Variants in MAMDC2 observed in about 807,000 individuals in gnomAD.
MAMDC2 encodes the protein MAM domain containing 2, also known as MAM domain-containing protein 2.
Under a neutral mutation model 89.8 loss-of-function variants are expected in MAMDC2, and 57 were observed. The observed-to-expected ratio is 0.63, with a 90% confidence interval of 0.51 to 0.79. The LOEUF (loss-of-function observed/expected upper bound fraction) is 0.79. Among genes scored for constraint, MAMDC2 ranks in the 30% least tolerant of loss-of-function variants. The pLI is 0.00. For missense variants in MAMDC2, 800 were observed against 820.6 expected (o/e 0.97, Z 0.31); for synonymous variants, 313 against 293.4 (o/e 1.07, Z -0.68).
At chr9:70,225,008 A>C (rs1284717655) in intron 12 of MAMDC2, among the ~76,000 whole-genome samples, 3 of 152,210 alleles carry the variant, frequency 2.0e-5, no homozygotes, top group African/African-American at 7.2e-5. Context: ...CTTGCTTATA[A>C]AATGAATAGA....
At chr9:70,088,100 G>A (rs2975866) in intron 2 of MAMDC2, among the ~76,000 whole-genome samples, 28,070 of 151,962 alleles carry the variant, frequency 0.18, 3,648 homozygotes, top group African/African-American at 0.37. Context: ...AAGTCTCTAA[G>A]CAGGATATGA....
intron 11 of MAMDC2, among the ~76,000 whole-genome samples, chr9:70,177,479 C>T (rs967341940): frequency 1.3e-5 from 2 of 152,040 alleles, no homozygotes; most frequent in African/African-American, 4.8e-5. Flanking sequence ...ATTTTTGGGC[C>T]ACAGCTGACT....
chr9:70,190,793 T>C (rs541911976), intron 11 of MAMDC2, among the ~76,000 whole-genome samples: 1 of 152,248 alleles, frequency 6.6e-6, no homozygotes, highest in South Asian at 2.1e-4. Flanking sequence ...GCCATGTGGA[T>C]ACAGTTGTTC....
intron 2 of MAMDC2, among the ~76,000 whole-genome samples, chr9:70,095,418 A>G (rs1007417684): frequency 6.6e-6 from 1 of 152,218 alleles, no homozygotes; most frequent in Non-Finnish European, 1.5e-5. Context: ...CAGTGGAAGG[A>G]ACTTGAAGGA....
intron 7 of MAMDC2, among the ~76,000 whole-genome samples, chr9:70,136,972 T>C (rs1345218218): frequency 1.7e-4 from 26 of 152,174 alleles, no homozygotes; most frequent in Admixed American, 1.7e-3. Context: ...TGTGGGCTAA[T>C]CTACCCATCT....
chr9:70,222,249 C>G (rs1187491114), intron 12 of MAMDC2, among the ~76,000 whole-genome samples: 4 of 152,082 alleles, frequency 2.6e-5, no homozygotes, highest in Admixed American at 6.5e-5. Context: ...CAGAGCAGAC[C>G]TGGAGTGAGG....
intron 9 of MAMDC2, chr9:70,148,077 T>G (rs188918057): frequency 2.7e-5 from 4 of 150,542 alleles, no homozygotes; most frequent in Admixed American, 2.7e-4. Context: ...GGCTTCCTAT[T>G]GCTTTTAGAG....
At chr9:70,140,436 AT>A in intron 8 of MAMDC2, 148 bp downstream of exon 8, 2 of 810,592 alleles carry the variant, frequency 2.5e-6, no homozygotes, top group Non-Finnish European at 3.7e-6. Context: ...GTGTTTGACC[AT>A]TTTTAAAAAT....
chr9:70,212,238 G>A (rs1381135211), intron 11 of MAMDC2, among the ~76,000 whole-genome samples: 2 of 152,236 alleles, frequency 1.3e-5, no homozygotes, highest in Non-Finnish European at 2.9e-5. Flanking sequence ...GGAGTCTACA[G>A]AGGCAGGCAG....
chr9:70,089,563 A>G (rs1827843309), intron 2 of MAMDC2, among the ~76,000 whole-genome samples: 1 of 152,116 alleles, frequency 6.6e-6, no homozygotes, highest in Non-Finnish European at 1.5e-5. Flanking sequence ...TGTATACAAG[A>G]TACAAGGGGA....
intron 8 of MAMDC2, 86 bp downstream of exon 8, chr9:70,140,374 C>A (rs562170531): frequency 3.6e-6 from 5 of 1,388,314 alleles, no homozygotes; most frequent in Admixed American, 2.9e-5. Context: ...GCAAAGACAT[C>A]GACTTAAAGA....
chr9:70,051,053 G>A (rs1418920160), intron 2 of MAMDC2, among the ~76,000 whole-genome samples: 1 of 152,182 alleles, frequency 6.6e-6, no homozygotes, highest in African/African-American at 2.4e-5. Flanking sequence ...GATGGTGCTG[G>A]TGCCTTCTAT....
intron 5 of MAMDC2, among the ~76,000 whole-genome samples, chr9:70,115,666 C>T (rs934913942): frequency 7.2e-5 from 11 of 152,176 alleles, no homozygotes; most frequent in African/African-American, 2.2e-4. Flanking sequence ...AGTTTTTCTA[C>T]GGATAGCCCA....
At position 70,218,492 on chromosome 9, in the gene MAMDC2, A is replaced by C; in HGVS notation, c.1807A>C (p.Lys603Gln). ...GTGLLSVYLK[K>Q]EEDSEESLLW... ...TGGCCTGCTGAGTGTTTATCTGAAA[A>C]AGGAAGAAGACAGTGAAGAGTCCCT... The change falls in exon 12 of 14, where the codon AAG becomes CAG. Residue 603 changes from lysine to glutamine, a missense_variant. Physicochemically the swap from Lys to Gln is moderately conservative, Grantham distance 53. Coordinates refer to ENST00000377182, the MANE Select transcript of MAMDC2 (RefSeq NM_153267.5). 1 of 1,614,214 alleles carries C rather than the reference A, an allele frequency of 6.2e-7. No homozygotes were observed. Among genetic ancestry groups the C allele is most frequent in the Non-Finnish European group, 8.5e-7 (1 of 1,180,036 alleles).
chr9:70,200,705 G>C (rs2033083904), intron 11 of MAMDC2, among the ~76,000 whole-genome samples: 4 of 141,484 alleles, frequency 2.8e-5, no homozygotes, highest in Admixed American at 1.4e-4. Flanking sequence ...TCTTCCATTT[G>C]TTTGTATCCT....
chr9:70,225,621 G>T, intron 12 of MAMDC2, 129 bp from the exon 13 acceptor site: 2 of 525,230 alleles, frequency 3.8e-6, no homozygotes, highest in South Asian at 3.8e-5. Context: ...TTGTAATTTG[G>T]TATCCTTTTC....
intron 11 of MAMDC2, chr9:70,217,740 A>T: frequency 1.8e-6 from 2 of 1,103,922 alleles, no homozygotes; most frequent in Non-Finnish European, 2.7e-6. Context: ...TTTCAAAACT[A>T]AAAAAAAGTG....
intron 2 of MAMDC2, chr9:70,079,311 T>A (rs1220407364): frequency 6.6e-6 from 1 of 152,208 alleles, no homozygotes; most frequent in Non-Finnish European, 1.5e-5. Flanking sequence ...TGTACAAGTA[T>A]GGATCTAGGA....
chr9:70,189,610 G>A (rs554995822), intron 11 of MAMDC2, among the ~76,000 whole-genome samples: 3 of 152,126 alleles, frequency 2.0e-5, no homozygotes, highest in African/African-American at 7.2e-5. Flanking sequence ...TGAATGTATA[G>A]ACTTATATTT....
Sources: gnomAD v4.1 joint callset for allele counts (sites outside exome capture counted in the v4.1 genomes callset) on GRCh38, gnomAD v4.1.1 for gene constraint, MANE v1.5 for transcripts, NCBI Gene and HGNC (gene_info 2026-07-23, HGNC 2026-07-21) for gene names.